The following LONP2 variants were observed in gnomAD, a reference collection of about 807,000 sequenced individuals.
The protein encoded by LONP2 is lon peptidase 2, peroxisomal, also known as lon protease homolog 2, peroxisomal.
In LONP2, 60 loss-of-function variants were observed where a neutral mutation model predicts 85.6. The ratio of observed to expected loss-of-function variants is 0.70; its 90% CI spans 0.57 to 0.87. LONP2 has a LOEUF of 0.87. Among genes scored for constraint, LONP2 ranks in the 40% least tolerant of loss-of-function variants. The pLI, the probability that LONP2 is intolerant of heterozygous loss-of-function variation, is 0.00. For synonymous variants in LONP2, 395 were observed against 389.7 expected (o/e 1.01, Z -0.16); for missense variants, 860 against 1,063.5 (o/e 0.81, Z 2.66).
At chr16:48,247,727 A>G (rs1225683072) in intron 1 of LONP2, among the ~76,000 whole-genome samples, 1 of 152,196 alleles carries the variant, frequency 6.6e-6, no homozygotes, top group African/African-American at 2.4e-5. Flanking sequence ...TACTACCTGT[A>G]CAATATCCTT....
At position 48,354,606 on chromosome 16, in the gene LONP2, ACTTT is replaced by A. The variant is rs138833538; in HGVS notation, c.*2811_*2814del. The A allele has an allele frequency of 0.016, 2,390 of 152,224 alleles. 52 individuals carry two copies. The highest frequency in any genetic ancestry group is 0.053 in the African/African-American group (2,197 of 41,480). 9.4% of individuals were successfully genotyped at this position (152,224 alleles called of 1,614,324 possible). A position where few individuals can be genotyped will look rare whatever the true frequency, so the allele number is the denominator to read the frequency against. On this transcript the variant is annotated 3_prime_UTR_variant, in exon 15 of 15. Coordinates refer to ENST00000285737, the MANE Select transcript of LONP2 (RefSeq NM_031490.5). ...CCCAGACCCTGGTAACCACTATTTC[ACTTT>A]CTTTCTGAATTTCCCTTCATATGAG... is the stretch of plus-strand genomic sequence containing the variant.
chr16:48,342,958 A>C (rs568492985), intron 12 of LONP2, among the ~76,000 whole-genome samples: 2 of 152,262 alleles, frequency 1.3e-5, no homozygotes, highest in East Asian at 3.9e-4. Flanking sequence ...AAGGCCTACA[A>C]AATTCTTCAT....
At chr16:48,346,220 C>T (rs1000222114) in intron 12 of LONP2, among the ~76,000 whole-genome samples, 7 of 152,118 alleles carry the variant, frequency 4.6e-5, no homozygotes, top group Admixed American at 1.3e-4. Context: ...CTTAGTGAGA[C>T]GGTCAACTCT....
chr16:48,279,585 G>T (rs1165169606), intron 8 of LONP2, among the ~76,000 whole-genome samples: 1 of 151,920 alleles, frequency 6.6e-6, no homozygotes, highest in African/African-American at 2.4e-5. Flanking sequence ...TATCAGCTGT[G>T]CCCAGGGTCC....
At chr16:48,287,532 A>G (rs1049814048) in intron 8 of LONP2, among the ~76,000 whole-genome samples, 6 of 152,226 alleles carry the variant, frequency 3.9e-5, no homozygotes, top group Non-Finnish European at 5.9e-5. Context: ...AAATAAGGAT[A>G]TGGAGCTCTT....
At chr16:48,267,666 A>G (rs577198078) in intron 6 of LONP2, among the ~76,000 whole-genome samples, 1 of 152,224 alleles carries the variant, frequency 6.6e-6, no homozygotes, top group East Asian at 1.9e-4. Context: ...GCCAGGCTGT[A>G]GTGCAGTGGT....
chr16:48,283,721 A>G (rs1972378439), intron 8 of LONP2, among the ~76,000 whole-genome samples: 1 of 152,196 alleles, frequency 6.6e-6, no homozygotes, highest in Non-Finnish European at 1.5e-5. Context: ...AAGGAGATTA[A>G]TACTGTTTTC....
intron 1 of LONP2, among the ~76,000 whole-genome samples, chr16:48,245,847 G>T (rs997534982): frequency 6.6e-6 from 1 of 151,848 alleles, no homozygotes; most frequent in Admixed American, 6.6e-5. Context: ...CTGGTATATC[G>T]TATGCTCTCA....
At chr16:48,290,087 A>C (rs1192478183) in intron 8 of LONP2, among the ~76,000 whole-genome samples, 1 of 152,090 alleles carries the variant, frequency 6.6e-6, no homozygotes, top group Non-Finnish European at 1.5e-5. Context: ...CGTTTCTTTA[A>C]TCCCTATTTT....
intron 11 of LONP2, among the ~76,000 whole-genome samples, chr16:48,321,947 T>C (rs1030244466): frequency 6.6e-6 from 1 of 151,526 alleles, no homozygotes; most frequent in African/African-American, 2.4e-5. Flanking sequence ...TTTTTTTCTT[T>C]TTTTTTTTTT....
intron 8 of LONP2, among the ~76,000 whole-genome samples, chr16:48,283,285 T>C (rs550928303): frequency 2.0e-5 from 3 of 152,338 alleles, no homozygotes; most frequent in Non-Finnish European, 4.4e-5. Context: ...CTAACATCAT[T>C]GATAAAGGTG....
chr16:48,303,086 G>A lies in LONP2; in HGVS notation c.1662-86G>A. ...GGTAATGAACTTTTAAATGTACACT[G>A]TTTTACCAAAAATGTTAATCACATT... On this transcript the variant is annotated intron_variant, in intron 10 of 14. Coordinates refer to ENST00000285737, the MANE Select transcript of LONP2 (RefSeq NM_031490.5). 2.0e-6 allele frequency: 3 copies of A among 1,486,964 alleles called. No individual in the cohort carries two copies. In the South Asian group the frequency reaches 3.6e-5, roughly 18 times the overall value. The allele number at this position is 1,486,964 out of a possible 1,614,324, so 92.1% of individuals were successfully genotyped here.
intron 11 of LONP2, among the ~76,000 whole-genome samples, chr16:48,309,808 T>C (rs1972991669): frequency 6.6e-6 from 1 of 152,182 alleles, no homozygotes; most frequent in Non-Finnish European, 1.5e-5. Context: ...GAGAAAAATG[T>C]ATCTTTTGTG....
At position 48,277,441 on chromosome 16, in the gene LONP2, A is replaced by G; in HGVS notation, c.1345A>G (p.Lys449Glu). The change falls in exon 8 of 15, where the codon AAA becomes GAA. Residue 449 changes from lysine (K) to glutamate (E), a missense_variant. Physicochemically the swap from Lys to Glu is moderately conservative, Grantham distance 56. Around this residue, in one of 3 missense-constraint regions of LONP2, gnomAD observed 743 missense variants for 917.3 expected, o/e 0.81. Transcript: ENST00000285737. ...FLLDEVDKLG[K>E]SLQGDPAAAL... ...ATTAGATGAGGTTGACAAACTGGGA[A>G]AAAGTCTACAGGGTGATCCAGCAGC... The G allele has an allele frequency of 6.2e-7, 1 of 1,613,912 alleles. No individual in the cohort carries two copies.
intron 7 of LONP2, among the ~76,000 whole-genome samples, chr16:48,273,477 G>T (rs1230154442): frequency 6.6e-6 from 1 of 152,136 alleles, no homozygotes; most frequent in Non-Finnish European, 1.5e-5. Context: ...ATTGTTTTGA[G>T]TAGCTTAAAG....
intron 8 of LONP2, 137 bp downstream of exon 8, chr16:48,277,616 G>T: frequency 1.4e-6 from 1 of 694,448 alleles, no homozygotes. Context: ...TGAGGTCTGA[G>T]CAATTTGGCA....
rs764770700 is a variant in LONP2, at chr16:48,303,185, G to A, written c.1675G>A (p.Ala559Thr). The A allele has an allele frequency of 6.2e-7, 1 of 1,614,070 alleles. No homozygotes were observed. Among genetic ancestry groups the A allele is most frequent in the East Asian group, 2.2e-5 (1 of 44,880 alleles). ...GTTTGATGACAGGTATACCAGAGAG[G>A]CAGGGGTTCGTTCTCTGGATAGAAA... ...LDIITRYTREAGVRSLDRKLG... is the reference protein window; with the variant it reads ...LDIITRYTRETGVRSLDRKLG... The change falls in exon 11 of 15, where the codon GCA becomes ACA. Residue 559 changes from alanine to threonine, a missense_variant. Physicochemically the swap from Ala to Thr is moderately conservative, Grantham distance 58 (BLOSUM62 0). Around this residue, in one of 3 missense-constraint regions of LONP2, gnomAD observed 743 missense variants for 917.3 expected, o/e 0.81. Transcript: ENST00000285737.
intron 9 of LONP2, among the ~76,000 whole-genome samples, chr16:48,297,047 G>T (rs1337610342): frequency 3.3e-5 from 5 of 152,002 alleles, no homozygotes; most frequent in Non-Finnish European, 5.9e-5. Flanking sequence ...CTAGCTTGTT[G>T]CCCAGGCTGG....
At position 48,303,339 on chromosome 16, in the gene LONP2, G is replaced by A. The variant is rs983527358; in HGVS notation, c.1795+34G>A. 3.7e-6 allele frequency: 6 copies of A among 1,601,176 alleles called. No homozygotes were observed. In the African/African-American group the frequency reaches 6.7e-5, roughly 18 times the overall value. ...CCTTGTTCTGGCATTCTCAGGCCTGGTGGCTAGGAGTGAGTGACAGAAGAA... is the reference window on the plus strand; with the variant it reads ...CCTTGTTCTGGCATTCTCAGGCCTGATGGCTAGGAGTGAGTGACAGAAGAA... On this transcript the variant is annotated intron_variant, in intron 11 of 14. Coordinates refer to ENST00000285737, the MANE Select transcript of LONP2 (RefSeq NM_031490.5).
Sources: gnomAD v4.1 joint callset for allele counts (sites outside exome capture counted in the v4.1 genomes callset) on GRCh38, gnomAD v4.1.1 for gene constraint, gnomAD v4.1.1 regional missense constraint, MANE v1.5 for transcripts, NCBI Gene and HGNC (gene_info 2026-07-23, HGNC 2026-07-21) for gene names.